Variants in EP400 observed in about 807,000 individuals in gnomAD.
The protein encoded by EP400 is E1A-binding protein p400.
In EP400, 105 loss-of-function variants were observed where a neutral mutation model predicts 354.1. The observed-to-expected ratio is 0.30, with a 90% CI of 0.25 to 0.35. The LOEUF (loss-of-function observed/expected upper bound fraction) is 0.35, where lower values mean the gene tolerates loss of function less well. Among genes scored for constraint, EP400 ranks in the 10% least tolerant of loss-of-function variants. EP400 has a pLI of 1.00. For synonymous variants in EP400, 1,646 were observed against 1,716.9 expected, an observed-to-expected ratio of 0.96 and a Z score of 1.02; for missense variants, 3,280 against 4,121.0, an observed-to-expected ratio of 0.80 and a Z score of 5.59.
intron 29 of EP400, 79 bp downstream of exon 29, chr12:132,030,237 G>C: frequency 6.6e-7 from 1 of 1,513,460 alleles, no homozygotes; most frequent in South Asian, 1.2e-5. Flanking sequence ...TAAATTCAGT[G>C]GTCTCATGGC....
Position 132,062,620 on chromosome 12 carries a change from G to T in EP400, c.8253G>T (p.Thr2751=). Residue 2751 remains threonine, a synonymous_variant, in exon 47 of 53, where the codon ACG becomes ACT. Transcript: ENST00000389561. ...QQQQQQQQTT[T]TSQVQVPQIQ... is the part of the protein sequence containing the mutation. ...AGCAGCAGCAGCAACAGACGACGAC[G>T]ACCTCTCAGGTGCAAGTTCCACAGA... 6.2e-7 allele frequency: 1 copy of T among 1,613,812 alleles called. No individual in the cohort carries two copies. The highest frequency in any genetic ancestry group is 8.5e-7 in the Non-Finnish European group (1 of 1,179,880).
intron 2 of EP400, among the ~76,000 whole-genome samples, chr12:131,971,808 G>C (rs914948933): frequency 8.6e-5 from 13 of 151,960 alleles, no homozygotes; most frequent in South Asian, 4.2e-4. Flanking sequence ...TTGTATGTAT[G>C]TATTTTTCCA....
At chr12:132,042,039 C>T (rs1046321618) in intron 32 of EP400, among the ~76,000 whole-genome samples, 2 of 151,124 alleles carry the variant, frequency 1.3e-5, no homozygotes, top group Non-Finnish European at 2.9e-5. Context: ...GCAACCTCCA[C>T]CTCCCAGGTC....
intron 23 of EP400, among the ~76,000 whole-genome samples, chr12:132,023,195 T>C (rs144362532): frequency 0.016 from 2,459 of 150,990 alleles, 69 homozygotes; most frequent in African/African-American, 0.057. Flanking sequence ...TGCAATGGCC[T>C]GATCTTAGTT....
chr12:132,013,992 A>G lies in EP400; in HGVS notation c.3923+79A>G. 1 of 1,563,212 alleles carries G rather than the reference A, an allele frequency of 6.4e-7. No individual in the cohort carries two copies. Among genetic ancestry groups the G allele is most frequent in the African/African-American group, 1.4e-5 (1 of 73,116 alleles). On this transcript the variant is annotated intron_variant, in intron 19 of 52. Transcript: ENST00000389561. This position sits in a 1 kb window ranked among gnomAD's most constrained non-coding sequence, Gnocchi z 4.5. ...AAACGGCCCTTTCTGTGGCCTCAGC[A>G]GAAAGCTCCTTTCCGCAAGGATTGG...
intron 19 of EP400, among the ~76,000 whole-genome samples, chr12:132,016,248 G>C (rs184499946): frequency 6.6e-6 from 1 of 152,000 alleles, no homozygotes; most frequent in Non-Finnish European, 1.5e-5. Flanking sequence ...TCCATTTTTC[G>C]GTCTCCACTC....
At chr12:132,074,267 G>A (rs1257127494) in intron 51 of EP400, among the ~76,000 whole-genome samples, 2 of 152,174 alleles carry the variant, frequency 1.3e-5, no homozygotes, top group Non-Finnish European at 2.9e-5. Context: ...TTTCCTCACT[G>A]TGGCTGCTTT....
At chr12:131,962,831 T>C (rs866824405) in intron 2 of EP400, among the ~76,000 whole-genome samples, 6 of 152,240 alleles carry the variant, frequency 3.9e-5, no homozygotes, top group South Asian at 4.1e-4. Flanking sequence ...TGTTTTATGA[T>C]ACAGTTAAAA....
chr12:131,971,144 C>T (rs1180778048), intron 2 of EP400, among the ~76,000 whole-genome samples: 1 of 152,086 alleles, frequency 6.6e-6, no homozygotes, highest in African/African-American at 2.4e-5. Flanking sequence ...GTTGAGGCTG[C>T]AGTGAGCTGT....
intron 25 of EP400, among the ~76,000 whole-genome samples, chr12:132,026,229 C>T (rs1265853204): frequency 3.3e-5 from 5 of 152,214 alleles, no homozygotes; most frequent in Non-Finnish European, 7.3e-5. Context: ...AGTCCCCGCT[C>T]TGTGCCTGCC....
In EP400 at chr12:131,986,506, C is replaced by A. The variant is rs751898468; in HGVS notation, c.1930-8C>A. 1.3e-6 allele frequency: 2 copies of A among 1,590,290 alleles called. No homozygotes were observed. Among genetic ancestry groups the A allele is most frequent in the Non-Finnish European group, 1.7e-6 (2 of 1,166,704 alleles). On this transcript the variant is annotated splice_polypyrimidine_tract_variant and splice_region_variant and intron_variant, in intron 5 of 52. Coordinates refer to ENST00000389561, the MANE Select transcript of EP400 (RefSeq NM_015409.5). ...TCACCTTGCTCCACTTGTGCCCTGC[C>A]CTTACAGATGGTAGCATCGACAAGG...
intron 30 of EP400, among the ~76,000 whole-genome samples, chr12:132,035,822 TCG>T: frequency 7.1e-6 from 1 of 139,964 alleles, no homozygotes; most frequent in Non-Finnish European, 1.5e-5. Context: ...ACGCGGAACA[TCG>T]TGGAAGGACA....
intron 3 of EP400, 123 bp from the exon 4 acceptor site, chr12:131,981,366 A>G (rs1593323356): frequency 2.5e-5 from 17 of 688,042 alleles, no homozygotes. Flanking sequence ...TGGCTTCTGG[A>G]TTTTAGTTCA....
At position 131,961,734 on chromosome 12, in the gene EP400, A is replaced by G. The variant is rs923584343; in HGVS notation, c.1115A>G (p.His372Arg). 6.2e-7 allele frequency: 1 copy of G among 1,614,240 alleles called. No individual in the cohort carries two copies. The highest frequency in any genetic ancestry group is 1.1e-5 in the South Asian group (1 of 91,092). The part of the protein sequence containing the change: ...AQMRKQCLDY[H>R]YQEMQALKEV... ...ATGAGGAAGCAGTGCCTGGACTATC[A>G]TTACCAGGAGATGCAGGCTCTGAAG... Residue 372 changes from histidine (H) to arginine (R), a missense_variant, in exon 2 of 53, where the codon CAT becomes CGT. Physicochemically the swap from His to Arg is conservative, Grantham distance 29. Around this residue, in one of 20 missense-constraint regions of EP400, gnomAD observed 85 missense variants for 180.3 expected, o/e 0.47. Coordinates refer to ENST00000389561, the MANE Select transcript of EP400 (RefSeq NM_015409.5).
chr12:132,029,720 C>T lies in EP400; in HGVS notation c.5401C>T (p.Pro1801Ser). Reference sequence around the variant, plus strand: ...CCTCAGGGTGGCCTTTGTGATTCCTCCGGTGGTGGCAGCACCCCCGTCCCT... The same window carrying T: ...CCTCAGGGTGGCCTTTGTGATTCCTTCGGTGGTGGCAGCACCCCCGTCCCT... ...VIDRVAFVIP[P>S]VVAAPPSLRV... The change falls in exon 28 of 53, where the codon CCG (proline) becomes TCG (serine). Residue 1801 changes from proline (P) to serine (S), a missense_variant. By Grantham distance (74) the Pro-to-Ser change is moderately conservative. Around this residue, in one of 20 missense-constraint regions of EP400, gnomAD observed 459 missense variants for 496.9 expected, o/e 0.92. Coordinates refer to ENST00000389561, the MANE Select transcript of EP400 (RefSeq NM_015409.5). The surrounding 1 kb of genome is among the most constrained non-coding windows in gnomAD (Gnocchi z 4.7). 6.2e-7 allele frequency: 1 copy of T among 1,612,954 alleles called. No individual in the cohort carries two copies. The highest frequency in any genetic ancestry group is 8.5e-7 in the Non-Finnish European group (1 of 1,179,988).
At chr12:132,014,359 G>A (rs1277175294) in intron 19 of EP400, among the ~76,000 whole-genome samples, 1 of 152,164 alleles carries the variant, frequency 6.6e-6, no homozygotes, top group Non-Finnish European at 1.5e-5. Context: ...TGCATGGGGT[G>A]GAATGCGCCA....
rs1017279546 is a variant in EP400 at position 131,986,447 on chromosome 12, A to T, written c.1930-67A>T. ...TCTCTGGTGCTGTGGGCGCTCAGGTATTTGGCACCGTGGGCTGCCCCGACA... is the reference window on the plus strand; with the variant it reads ...TCTCTGGTGCTGTGGGCGCTCAGGTTTTTGGCACCGTGGGCTGCCCCGACA... On this transcript the variant is annotated intron_variant, in intron 5 of 52. Transcript: ENST00000389561. The T allele has an allele frequency of 1.9e-5, 29 of 1,502,290 alleles. No homozygotes were observed. The African/African-American group carries it at 3.8e-4, about 19-fold the overall frequency. The allele number at this position is 1,502,290 out of a possible 1,614,324, so 93.1% of individuals were successfully genotyped here.
chr12:131,993,470 A>T (rs1428409335), intron 11 of EP400, among the ~76,000 whole-genome samples: 1 of 152,174 alleles, frequency 6.6e-6, no homozygotes, highest in Non-Finnish European at 1.5e-5. Flanking sequence ...TTCATGAGGA[A>T]CACCTTTTCT....
In EP400 at chr12:132,044,309, A is replaced by G. The variant is rs149824397; in HGVS notation, c.6583A>G (p.Met2195Val). Residue 2195 changes from methionine (M) to valine (V), a missense_variant and splice_region_variant, in exon 35 of 53, where the codon ATG (methionine) becomes GTG (valine). Physicochemically the swap from Met to Val is conservative, Grantham distance 21. Around this residue, in one of 20 missense-constraint regions of EP400, gnomAD observed 231 missense variants for 257.9 expected, o/e 0.90. Transcript: ENST00000389561. ...CTACACGCGAGAGGATGCCTACAGCATGGTACCCGGCCCGGGGCCCTCCTG... is the reference window on the plus strand; with the variant it reads ...CTACACGCGAGAGGATGCCTACAGCGTGGTACCCGGCCCGGGGCCCTCCTG... The part of the protein sequence containing the change: ...LTYTREDAYS[M>V]EYVYEDVDGQ... 5.6e-6 allele frequency: 9 copies of G among 1,612,760 alleles called. No individual in the cohort carries two copies. Among genetic ancestry groups the G allele is most frequent in the Non-Finnish European group, 7.6e-6 (9 of 1,179,290 alleles).
Sources: gnomAD v4.1 joint callset for allele counts (sites outside exome capture counted in the v4.1 genomes callset) on GRCh38, gnomAD v4.1.1 for gene constraint, gnomAD v4.1.1 regional missense constraint, Gnocchi (gnomAD v3.1) non-coding constraint, MANE v1.5 for transcripts, NCBI Gene and HGNC (gene_info 2026-07-23, HGNC 2026-07-21) for gene names.